Variants in SPNS3 observed in about 807,000 individuals in gnomAD.
SPNS3 encodes the protein protein spinster homolog 3.
A neutral mutation model predicts 54.4 loss-of-function variants in SPNS3; 51 were observed. The observed-to-expected ratio is 0.94, with a 90% CI of 0.75 to 1.18. The LOEUF (loss-of-function observed/expected upper bound fraction) is 1.18, where lower values mean the gene tolerates loss of function less well. SPNS3 is among the 50% of genes most tolerant of loss of function. The probability of loss-of-function intolerance (pLI) is 0.00; values close to 1 mark genes in which losing one functional copy is unlikely to be tolerated. For synonymous variants in SPNS3, 309 were observed against 294.7 expected (o/e 1.05, Z -0.50); for missense variants, 669 against 677.4 (o/e 0.99, Z 0.14).
At chr17:4,462,155 A>G (rs1971527260) in intron 8 of SPNS3, among the ~76,000 whole-genome samples, 1 of 4 alleles carries the variant, frequency 0.25, no homozygotes, top group Non-Finnish European at 0.5. Flanking sequence ...CCATCCATCC[A>G]TCCATCCATC....
intron 8 of SPNS3, among the ~76,000 whole-genome samples, chr17:4,473,498 G>C (rs1407342179): frequency 6.6e-6 from 1 of 150,588 alleles, no homozygotes; most frequent in Non-Finnish European, 1.5e-5. Context: ...AGTGATTCTT[G>C]TGCTTTAGCC....
At chr17:4,455,320 C>T (rs1048172091) in intron 8 of SPNS3, among the ~76,000 whole-genome samples, 86 of 152,334 alleles carry the variant, frequency 5.6e-4, no homozygotes, top group African/African-American at 2.0e-3. Flanking sequence ...TCCCTGACAT[C>T]TCCCCTCCCC....
intron 8 of SPNS3, among the ~76,000 whole-genome samples, chr17:4,471,175 C>T (rs150019613): frequency 0.033 from 5,070 of 152,310 alleles, 106 homozygotes; most frequent in Non-Finnish European, 0.046. Context: ...CCACCCGCCT[C>T]GGCCTCCCAA....
chr17:4,435,011 C>A (rs1970677973), intron 1 of SPNS3, among the ~76,000 whole-genome samples: 1 of 145,748 alleles, frequency 6.9e-6, no homozygotes, highest in Non-Finnish European at 1.5e-5. Context: ...CCGTGTATGC[C>A]AGGCTGTCTC....
rs55747843 is a variant in SPNS3, at chr17:4,461,443, C to T, written c.1113+8238C>T. Among the ~76,000 whole-genome samples, 1,221 of 138,630 alleles carry T rather than the reference C, an allele frequency of 8.8e-3. 10 individuals are homozygous for T. Among genetic ancestry groups the T allele is most frequent in the Middle Eastern group, 0.014 (3 of 220 alleles). 90.9% of individuals were successfully genotyped at this position (138,630 alleles called of 152,430 possible). On this transcript the variant is annotated intron_variant, in intron 8 of 11. Transcript: ENST00000355530. The stretch of plus-strand genomic sequence containing the variant: ...TGAGCTCCTGGCTTCAAGCAATCCT[C>T]CTGCCTCAGCCTCCCCAGGCATTAG...
chr17:4,467,560 A>G (rs1327879671), intron 8 of SPNS3, among the ~76,000 whole-genome samples: 1 of 152,144 alleles, frequency 6.6e-6, no homozygotes, highest in Non-Finnish European at 1.5e-5. Context: ...TTATATGACC[A>G]TCTCAGGGCA....
chr17:4,458,934 ACTT>A (rs1337623203), intron 8 of SPNS3, among the ~76,000 whole-genome samples: 2 of 151,832 alleles, frequency 1.3e-5, no homozygotes, highest in Non-Finnish European at 2.9e-5. Flanking sequence ...CCCCTCATGA[ACTT>A]CTCCAATAAC....
intron 1 of SPNS3, among the ~76,000 whole-genome samples, chr17:4,436,745 A>G (rs1016468898): frequency 6.6e-6 from 1 of 152,230 alleles, no homozygotes; most frequent in Admixed American, 6.5e-5. Flanking sequence ...GGGGAGCCAT[A>G]TAATTGGATT....
In SPNS3 at chr17:4,486,403, C is replaced by T. The variant is rs752847264; in HGVS notation, c.1279-9C>T. The T allele has an allele frequency of 1.2e-6, 2 of 1,601,342 alleles. No individual in the cohort carries two copies. Among genetic ancestry groups the T allele is most frequent in the African/African-American group, 1.3e-5 (1 of 74,614 alleles). ...TGGGCCTGGCAGACTCATCCCTTCT[C>T]CTCCGCAGATCTCTAGTGTCCTGCG... On this transcript the variant is annotated splice_polypyrimidine_tract_variant and intron_variant, in intron 10 of 11. Coordinates refer to ENST00000355530, the MANE Select transcript of SPNS3 (RefSeq NM_182538.5). This position sits in a 1 kb window ranked among gnomAD's most constrained non-coding sequence, Gnocchi z 5.5.
intron 8 of SPNS3, among the ~76,000 whole-genome samples, chr17:4,461,910 T>C (rs142644495): frequency 8.3e-4 from 127 of 152,260 alleles, no homozygotes; most frequent in African/African-American, 3.0e-3. Context: ...GACAGTTGGA[T>C]ACAGGAGTCG....
chr17:4,438,048 A>T (rs1567551734), intron 1 of SPNS3, among the ~76,000 whole-genome samples: 1 of 152,196 alleles, frequency 6.6e-6, no homozygotes, highest in African/African-American at 2.4e-5. Context: ...CGGCCTCCCA[A>T]AGTGCTGGGA....
intron 8 of SPNS3, among the ~76,000 whole-genome samples, chr17:4,463,113 T>C (rs949648984): frequency 2.0e-5 from 3 of 152,000 alleles, no homozygotes; most frequent in Admixed American, 6.6e-5. Flanking sequence ...AAAATGAATA[T>C]ACTGGCCGGG....
chr17:4,438,819 A>G (rs1172640103), intron 1 of SPNS3, among the ~76,000 whole-genome samples: 2 of 152,180 alleles, frequency 1.3e-5, no homozygotes, highest in African/African-American at 2.4e-5. Flanking sequence ...TGCAGTGTGG[A>G]TGGCAGCCCT....
In SPNS3 at chr17:4,486,031, C is replaced by T; in HGVS notation, c.1180-197C>T. The T allele has an allele frequency of 2.1e-6, 1 of 484,768 alleles. No individual in the cohort carries two copies. Among genetic ancestry groups the T allele is most frequent in the Non-Finnish European group, 3.6e-6 (1 of 280,054 alleles). The allele number at this position is 484,768 out of a possible 1,614,324, so 30.0% of individuals were successfully genotyped here. A position where few individuals can be genotyped will look rare whatever the true frequency, so the allele number is the denominator to read the frequency against. ...GGGCCTTGGCACCCCCATCCTGGGG[C>T]ACTGGGGAAGCTTCAGATGGGCTTG... is the stretch of plus-strand genomic sequence containing the variant. On this transcript the variant is annotated intron_variant, in intron 9 of 11. Transcript: ENST00000355530. The surrounding 1 kb of genome is among the most constrained non-coding windows in gnomAD (Gnocchi z 5.5).
chr17:4,456,256 G>A (rs1971312086), intron 8 of SPNS3, among the ~76,000 whole-genome samples: 1 of 152,014 alleles, frequency 6.6e-6, no homozygotes, highest in Non-Finnish European at 1.5e-5. Context: ...CTGGTCAAGA[G>A]CAGAACTCTT....
At chr17:4,447,728 C>G (rs1409278905) in intron 5 of SPNS3, among the ~76,000 whole-genome samples, 1 of 152,112 alleles carries the variant, frequency 6.6e-6, no homozygotes, top group Middle Eastern at 3.2e-3. Context: ...GGGGTTTGAG[C>G]AGAGGGGCCG....
At chr17:4,453,953 G>A (rs1971237236) in intron 8 of SPNS3, among the ~76,000 whole-genome samples, 1 of 152,164 alleles carries the variant, frequency 6.6e-6, no homozygotes, top group East Asian at 1.9e-4. Flanking sequence ...CACTCTGGCT[G>A]TGCCAGCCGT....
rs1348816036 is a variant in SPNS3, at chr17:4,437,661, A to G, written c.200-1997A>G. ...CAGCCTGGATGAAATAGTGAGATTC[A>G]GTCTCAAAAATAAATAAATAAAATA... On this transcript the variant is annotated intron_variant, in intron 1 of 11. Coordinates refer to ENST00000355530, the MANE Select transcript of SPNS3 (RefSeq NM_182538.5). Among the ~76,000 whole-genome samples, 3 of 141,890 alleles carry G rather than the reference A, an allele frequency of 2.1e-5. No individual in the cohort carries two copies. In the East Asian group the frequency reaches 5.9e-4, roughly 28 times the overall value. The allele number at this position is 141,890 out of a possible 152,430, so 93.1% of individuals were successfully genotyped here.
chr17:4,471,243 T>A (rs1429336593), intron 8 of SPNS3, among the ~76,000 whole-genome samples: 1 of 151,750 alleles, frequency 6.6e-6, no homozygotes, highest in African/African-American at 2.4e-5. Flanking sequence ...TCTTTAAGCA[T>A]CATCCTTGTA....
Sources: gnomAD v4.1 joint callset for allele counts (sites outside exome capture counted in the v4.1 genomes callset) on GRCh38, gnomAD v4.1.1 for gene constraint, Gnocchi (gnomAD v3.1) non-coding constraint, MANE v1.5 for transcripts, NCBI Gene and HGNC (gene_info 2026-07-23, HGNC 2026-07-21) for gene names.